PRH1: variants seen among roughly 807,000 people sequenced by gnomAD.
PRH1 encodes proline rich protein HaeIII subfamily 1.
In PRH1, 7 loss-of-function variants were observed where a neutral mutation model predicts 7.9. That is an observed-to-expected ratio of 0.89 (90% confidence interval 0.50 to 1.67). PRH1 has a LOEUF of 1.67. Among genes scored for constraint, PRH1 ranks in the 40% most tolerant of loss-of-function variants. The probability of loss-of-function intolerance (pLI) is 0.00; values close to 1 mark genes in which losing one functional copy is unlikely to be tolerated. For missense variants in PRH1, 109 were observed against 223.6 expected (o/e 0.49, Z 3.27); for synonymous variants, 45 against 80.8 (o/e 0.56, Z 2.38).
intron 1 of PRH1, among the ~76,000 whole-genome samples, chr12:11,045,361 G>C (rs1942866967): frequency 6.6e-6 from 1 of 151,174 alleles, no homozygotes; most frequent in Admixed American, 6.6e-5. Context: ...CCTACTATTT[G>C]ATAGCACAGC....
chr12:10,985,890 G>T, intron 1 of PRH1: 1 of 1,438,764 alleles, frequency 7.0e-7, no homozygotes, highest in East Asian at 2.3e-5. Flanking sequence ...CTATCAGTTT[G>T]TTTTCTCCTA....
intron 1 of PRH1, among the ~76,000 whole-genome samples, chr12:11,094,130 C>G (rs1432893612): frequency 9.0e-6 from 1 of 110,768 alleles, no homozygotes; most frequent in African/African-American, 3.0e-5. Context: ...GGTGAAACCC[C>G]GTCTCTACTA....
intron 1 of PRH1, among the ~76,000 whole-genome samples, chr12:11,020,602 C>T (rs1362367350): frequency 6.6e-6 from 1 of 151,728 alleles, no homozygotes; most frequent in African/African-American, 2.4e-5. Context: ...TCACCATTTA[C>T]ACCATTATAA....
intron 2 of PRH1, among the ~76,000 whole-genome samples, chr12:10,944,496 T>C (rs1950454929): frequency 6.6e-6 from 1 of 152,184 alleles, no homozygotes; most frequent in African/African-American, 2.4e-5. Flanking sequence ...AGATAGAGAA[T>C]ATGTCAACTG....
At chr12:11,073,984 G>C (rs914868367) in intron 1 of PRH1, among the ~76,000 whole-genome samples, 24 of 148,864 alleles carry the variant, frequency 1.6e-4, no homozygotes, top group African/African-American at 5.9e-4. Flanking sequence ...CAAGGCATCT[G>C]CTTATAAAAC....
At chr12:11,171,531 A>T (rs1947844842), upstream of PRH1, 1 of 1,232,182 alleles carries the variant, frequency 8.1e-7, no homozygotes, top group African/African-American at 1.6e-5. Context: ...GGGCTCGGTG[A>T]TCCTCAACAT....
At chr12:11,102,275 C>G (rs1302408441) in intron 1 of PRH1, among the ~76,000 whole-genome samples, 4 of 152,166 alleles carry the variant, frequency 2.6e-5, no homozygotes, top group Admixed American at 2.0e-4. Context: ...AGGCATCACG[C>G]TACCTGACTT....
intron 1 of PRH1, among the ~76,000 whole-genome samples, chr12:11,114,761 GTCT>G (rs1042200776): frequency 6.6e-6 from 1 of 152,138 alleles, no homozygotes; most frequent in African/African-American, 2.4e-5. Context: ...AAGGTGCAGA[GTCT>G]TCATTTGTTT....
chr12:11,151,735 T>C (rs1947093395), intron 1 of PRH1, among the ~76,000 whole-genome samples: 1 of 152,308 alleles, frequency 6.6e-6, no homozygotes, highest in East Asian at 1.9e-4. Context: ...GGATAAATTA[T>C]ATTAGGGAAA....
intron 1 of PRH1, among the ~76,000 whole-genome samples, chr12:11,063,134 T>A (rs1299776062): frequency 6.6e-6 from 1 of 152,134 alleles, no homozygotes; most frequent in African/African-American, 2.4e-5. Context: ...GTAAAGTTTC[T>A]CTCAAGACTA....
intron 1 of PRH1, among the ~76,000 whole-genome samples, chr12:11,108,154 C>G (rs1945482880): frequency 6.6e-6 from 1 of 152,078 alleles, no homozygotes; most frequent in Admixed American, 6.6e-5. Context: ...TTCATCAGCA[C>G]CAGATCTGTC....
intron 2 of PRH1, chr12:10,908,879 G>C (rs1949849769): frequency 2.5e-6 from 4 of 1,612,680 alleles, no homozygotes; most frequent in Non-Finnish European, 3.4e-6. Context: ...TTAAAAATAA[G>C]AAGACCAAGG....
intron 1 of PRH1, chr12:10,973,770 A>G: frequency 1.3e-6 from 1 of 766,614 alleles, no homozygotes; most frequent in Non-Finnish European, 2.4e-6. Context: ...AATTCATCGG[A>G]GAGCTGTGCA....
chr12:10,968,459 T>C (rs904161670), intron 2 of PRH1, among the ~76,000 whole-genome samples: 2 of 152,220 alleles, frequency 1.3e-5, no homozygotes, highest in Non-Finnish European at 2.9e-5. Flanking sequence ...AGCTACAAGG[T>C]AGACTGCTAG....
At chr12:10,956,638 G>A (rs186855786) in intron 2 of PRH1, among the ~76,000 whole-genome samples, 2 of 152,218 alleles carry the variant, frequency 1.3e-5, no homozygotes, top group Non-Finnish European at 2.9e-5. Context: ...ATCCCTGTTC[G>A]CAGATAATGT....
intron 2 of PRH1, among the ~76,000 whole-genome samples, chr12:10,897,783 C>T (rs148161212): frequency 2.6e-5 from 4 of 152,304 alleles, no homozygotes; most frequent in East Asian, 3.9e-4. Context: ...TGCCACACCA[C>T]CACCAAGGGG....
rs374458254 is a variant in PRH1 at position 11,134,090 on chromosome 12, G to T, written n.40-12910C>A. ...CCAGAGCAAACCAACTCTGGAGACC[G>T]CCAGAGCAGTGAGAATTTGGTCAAC... On this transcript the variant is annotated intron_variant and non_coding_transcript_variant, in intron 1 of 1. Coordinates refer to the PRH1 transcript ENST00000541175. 4 of 1,614,082 alleles carry T rather than the reference G, an allele frequency of 2.5e-6. No homozygotes were observed. The East Asian group carries it at 8.9e-5, about 36-fold the overall frequency.
intron 2 of PRH1, among the ~76,000 whole-genome samples, chr12:10,965,961 G>C (rs1442484313): frequency 6.6e-6 from 1 of 152,112 alleles, no homozygotes; most frequent in Non-Finnish European, 1.5e-5. Context: ...CTGCTAACCA[G>C]TACTTTTGTA....
intron 2 of PRH1, among the ~76,000 whole-genome samples, chr12:10,954,719 C>T (rs1937868199): frequency 6.6e-6 from 1 of 152,122 alleles, no homozygotes; most frequent in African/African-American, 2.4e-5. Flanking sequence ...TCAAGTGATC[C>T]ACCCACCTCA....
Sources: gnomAD v4.1 joint callset for allele counts (sites outside exome capture counted in the v4.1 genomes callset) on GRCh38, gnomAD v4.1.1 for gene constraint, MANE v1.5 for transcripts, NCBI Gene and HGNC (gene_info 2026-07-23, HGNC 2026-07-21) for gene names.